Variants in MTUS2 observed in about 807,000 individuals in gnomAD.
The protein encoded by MTUS2 is microtubule-associated tumor suppressor candidate 2.
A neutral mutation model predicts 114.1 loss-of-function variants in MTUS2; 40 were observed. The observed-to-expected ratio is 0.35, with a 90% CI of 0.27 to 0.46. MTUS2 has a LOEUF of 0.46. Among genes scored for constraint, MTUS2 ranks in the 20% least tolerant of loss-of-function variants. The pLI, the probability that MTUS2 is intolerant of heterozygous loss-of-function variation, is 1.00. For missense variants in MTUS2, 1,679 were observed against 1,705.4 expected, an observed-to-expected ratio of 0.98 and a Z score of 0.27; for synonymous variants, 688 against 672.0, an observed-to-expected ratio of 1.02 and a Z score of -0.37.
At chr13:29,471,311 C>G (rs1401239049) in intron 9 of MTUS2, among the ~76,000 whole-genome samples, 2 of 152,018 alleles carry the variant, frequency 1.3e-5, no homozygotes, top group Non-Finnish European at 2.9e-5. Flanking sequence ...TCACTGCACT[C>G]CAGCAACAGA....
At chr13:29,370,024 T>C (rs2388095) in intron 8 of MTUS2, among the ~76,000 whole-genome samples, 30,793 of 152,146 alleles carry the variant, frequency 0.2, 3,236 homozygotes, top group Middle Eastern at 0.25. Flanking sequence ...TAATCACTTT[T>C]AATGTGAATG....
At chr13:29,225,432 G>A (rs556762920) in intron 5 of MTUS2, among the ~76,000 whole-genome samples, 1 of 152,266 alleles carries the variant, frequency 6.6e-6, no homozygotes, top group South Asian at 2.1e-4. Context: ...TCACAACGGG[G>A]CAATTGTGTA....
chr13:29,255,983 G>C (rs1407634231), intron 5 of MTUS2, among the ~76,000 whole-genome samples: 1 of 152,152 alleles, frequency 6.6e-6, no homozygotes, highest in Non-Finnish European at 1.5e-5. Context: ...TATAAAATGA[G>C]AAGATTACAC....
chr13:29,281,160 C>G (rs146123871), intron 5 of MTUS2, among the ~76,000 whole-genome samples: 25 of 152,256 alleles, frequency 1.6e-4, no homozygotes, highest in African/African-American at 5.1e-4. Flanking sequence ...TCCCCATGCT[C>G]TCTACCCCTC....
chr13:28,901,918 A>T (rs1014892761), intron 2 of MTUS2, among the ~76,000 whole-genome samples: 1 of 152,216 alleles, frequency 6.6e-6, no homozygotes, highest in African/African-American at 2.4e-5. Context: ...TGGTAATTGC[A>T]TTAGATTAGT....
chr13:28,898,978 A>T (rs1879461901), intron 2 of MTUS2, among the ~76,000 whole-genome samples: 2 of 152,196 alleles, frequency 1.3e-5, no homozygotes, highest in African/African-American at 4.8e-5. Flanking sequence ...AATAATTCAA[A>T]TTCCCTTTCC....
Position 29,503,277 on chromosome 13 carries a change from G to A in MTUS2, c.*71G>A, listed in dbSNP as rs933242563. On this transcript the variant is annotated 3_prime_UTR_variant, in exon 16 of 16. Coordinates refer to ENST00000612955, the MANE Select transcript of MTUS2 (RefSeq NM_001033602.4). ...CTCCACCCTGAGGGAGCACCGACCC[G>A]GTGCCGCCGGAGCTGGCCCTGTGCG... 18 of 1,554,510 alleles carry A rather than the reference G, an allele frequency of 1.2e-5. No homozygotes were observed. The highest frequency in any genetic ancestry group is 1.7e-5 in the Admixed American group (1 of 58,302).
At chr13:29,070,975 T>C (rs1888893059) in intron 4 of MTUS2, among the ~76,000 whole-genome samples, 2 of 99,076 alleles carry the variant, frequency 2.0e-5, no homozygotes, top group Admixed American at 2.0e-4. Flanking sequence ...GGCTTCTGAT[T>C]GCTTGTTTTT....
chr13:29,227,515 A>T (rs1196938390), intron 5 of MTUS2, among the ~76,000 whole-genome samples: 2 of 152,178 alleles, frequency 1.3e-5, no homozygotes, highest in East Asian at 3.9e-4. Context: ...CCAAGAATTA[A>T]ATCAAGGCAA....
intron 2 of MTUS2, among the ~76,000 whole-genome samples, chr13:28,910,338 T>C (rs1593292938): frequency 6.6e-6 from 1 of 152,326 alleles, no homozygotes; most frequent in South Asian, 2.1e-4. Context: ...AGTTCCATCC[T>C]TCCATTCTTT....
Position 29,250,714 on chromosome 13 carries a change from G to A in MTUS2, c.2645-30990G>A, listed in dbSNP as rs114953051. On this transcript the variant is annotated intron_variant, in intron 5 of 15. Transcript: ENST00000612955. Reference sequence around the variant, plus strand: ...ATACGACTTCTCATTTTGAAAAATAGCGATTAGTGTTGTCACATCTAGTCT... The same window carrying A: ...ATACGACTTCTCATTTTGAAAAATAACGATTAGTGTTGTCACATCTAGTCT... Among the ~76,000 whole-genome samples the A allele has an allele frequency of 4.3e-3, 660 of 152,154 alleles. 6 individuals are homozygous for A. The highest frequency in any genetic ancestry group is 0.015 in the African/African-American group (613 of 41,508).
chr13:29,025,050 A>G lies in MTUS2; in HGVS notation c.352A>G (p.Thr118Ala), dbSNP rs758248173. The change falls in exon 3 of 16, where the codon ACA (threonine) becomes GCA (alanine). Residue 118 changes from threonine (T) to alanine (A), a missense_variant. This residue lies in a region of MTUS2 where 843 missense variants were observed against 770.8 expected (regional missense o/e 1.09). Transcript: ENST00000612955. Reference sequence around the variant, plus strand: ...TGAAGAGCACACAGTGGAGAGAGGCACAGATAGCCTGCAGACCACGCGGAG... The same window carrying G: ...TGAAGAGCACACAGTGGAGAGAGGCGCAGATAGCCTGCAGACCACGCGGAG... Reference protein sequence around the residue: ...LNEEHTVERGTDSLQTTRSIQ... With the variant: ...LNEEHTVERGADSLQTTRSIQ... 3.7e-6 allele frequency: 6 copies of G among 1,613,876 alleles called. No individual in the cohort carries two copies. Among genetic ancestry groups the G allele is most frequent in the South Asian group, 2.2e-5 (2 of 91,084 alleles).
intron 8 of MTUS2, among the ~76,000 whole-genome samples, chr13:29,393,146 C>A (rs1342603418): frequency 1.3e-5 from 2 of 152,168 alleles, no homozygotes; most frequent in Non-Finnish European, 2.9e-5. Context: ...GAATAAGTGG[C>A]TTGCAGTCCA....
In MTUS2 at chr13:29,026,141, G is replaced by A. The variant is rs201515125; in HGVS notation, c.1443G>A (p.Thr481=). The part of the protein sequence containing the change: ...VFNPSVGENK[T]EVPEPLDPQS... ...ATCCTTCTGTTGGAGAGAACAAGAC[G>A]GAGGTGCCTGAGCCCCTGGACCCTC... The change falls in exon 3 of 16, where the codon ACG becomes ACA. Residue 481 remains threonine (T), a synonymous_variant. Transcript: ENST00000612955. The A allele has an allele frequency of 9.9e-6, 16 of 1,613,956 alleles. No homozygotes were observed. The highest frequency in any genetic ancestry group is 2.7e-5 in the African/African-American group (2 of 75,008).
chr13:29,436,605 G>A (rs930394202), intron 8 of MTUS2, among the ~76,000 whole-genome samples: 1 of 152,134 alleles, frequency 6.6e-6, no homozygotes, highest in Non-Finnish European at 1.5e-5. Flanking sequence ...TCCTTGAAAA[G>A]CCATCTAATG....
At chr13:29,036,605 G>A (rs1246878356) in intron 4 of MTUS2, among the ~76,000 whole-genome samples, 1 of 152,106 alleles carries the variant, frequency 6.6e-6, no homozygotes, top group Non-Finnish European at 1.5e-5. Context: ...TTGACAGTGG[G>A]GTGTTAAAGT....
intron 2 of MTUS2, among the ~76,000 whole-genome samples, chr13:28,998,780 T>C (rs1316286397): frequency 6.6e-6 from 1 of 152,206 alleles, no homozygotes; most frequent in Non-Finnish European, 1.5e-5. Context: ...GTTATTCTAG[T>C]TATCTATTCG....
At chr13:29,298,661 A>C (rs1308744215) in intron 6 of MTUS2, among the ~76,000 whole-genome samples, 2 of 152,202 alleles carry the variant, frequency 1.3e-5, no homozygotes, top group African/African-American at 4.8e-5. Context: ...GGAAAAAACA[A>C]AGTAAGAAAT....
At chr13:29,027,006 T>G (rs1886591894) in intron 3 of MTUS2, 103 bp downstream of exon 3, 1 of 1,215,172 alleles carries the variant, frequency 8.2e-7, no homozygotes, top group African/African-American at 1.5e-5. Flanking sequence ...TTAAGTGAAT[T>G]ACAGATTTTC....
Sources: allele counts gnomAD v4.1 joint callset (sites outside exome capture counted in the v4.1 genomes callset), GRCh38; gene constraint gnomAD v4.1.1; regional missense constraint gnomAD v4.1.1; transcripts MANE v1.5; gene names NCBI Gene and HGNC (gene_info 2026-07-23, HGNC 2026-07-21).